The following ADCK1 variants were observed in gnomAD, a reference collection of about 807,000 sequenced individuals.
The protein encoded by ADCK1 is aarF domain-containing protein kinase 1.
A neutral mutation model predicts 52.3 loss-of-function variants in ADCK1; 41 were observed. The observed-to-expected ratio is 0.78, with a 90% confidence interval of 0.61 to 1.02. ADCK1 has a LOEUF of 1.02. Among genes scored for constraint, ADCK1 ranks in the 50% least tolerant of loss-of-function variants. The pLI, the probability that ADCK1 is intolerant of heterozygous loss-of-function variation, is 0.00. For missense variants in ADCK1, 658 were observed against 679.5 expected, an observed-to-expected ratio of 0.97 and a Z score of 0.35; for synonymous variants, 250 against 274.6, an observed-to-expected ratio of 0.91 and a Z score of 0.89.
intron 4 of ADCK1, among the ~76,000 whole-genome samples, chr14:77,874,635 C>A (rs2082858285): frequency 6.6e-6 from 1 of 152,066 alleles, no homozygotes; most frequent in Admixed American, 6.6e-5. Context: ...GTCCCCTCTC[C>A]CTGCTGGGGC....
chr14:77,871,365 C>T (rs1326131894), intron 4 of ADCK1, among the ~76,000 whole-genome samples: 1 of 149,378 alleles, frequency 6.7e-6, no homozygotes, highest in Non-Finnish European at 1.5e-5. Context: ...CTAACTTCTT[C>T]TTTTTTTTTT....
intron 3 of ADCK1, among the ~76,000 whole-genome samples, chr14:77,858,282 G>A (rs1410956474): frequency 6.6e-6 from 1 of 152,170 alleles, no homozygotes; most frequent in Non-Finnish European, 1.5e-5. Flanking sequence ...CTGTTGCCCA[G>A]GCTAGAGTGC....
At chr14:77,863,894 T>A (rs139932498) in intron 4 of ADCK1, among the ~76,000 whole-genome samples, 2 of 151,638 alleles carry the variant, frequency 1.3e-5, no homozygotes, top group African/African-American at 4.8e-5. Flanking sequence ...TTATATCAGA[T>A]AAGGTTCTGT....
At chr14:77,841,168 A>C (rs946640867) in intron 3 of ADCK1, among the ~76,000 whole-genome samples, 6 of 152,202 alleles carry the variant, frequency 3.9e-5, no homozygotes, top group African/African-American at 1.4e-4. Context: ...GGAGAGGGAA[A>C]CTGCAAGCCT....
intron 1 of ADCK1, among the ~76,000 whole-genome samples, chr14:77,812,897 CT>C (rs2081364713): frequency 6.6e-6 from 1 of 151,634 alleles, no homozygotes; most frequent in Non-Finnish European, 1.5e-5. Flanking sequence ...GCTGCATATT[CT>C]TTTTATTTAC....
intron 3 of ADCK1, among the ~76,000 whole-genome samples, chr14:77,851,403 A>G (rs1033383263): frequency 4.6e-5 from 7 of 152,172 alleles, no homozygotes; most frequent in African/African-American, 1.7e-4. Flanking sequence ...GCTGTGAGCC[A>G]CTGCGCCTGG....
At chr14:77,889,168 G>A (rs1040951426) in intron 5 of ADCK1, among the ~76,000 whole-genome samples, 7 of 152,218 alleles carry the variant, frequency 4.6e-5, no homozygotes, top group African/African-American at 7.2e-5. Flanking sequence ...GGAACTGTGC[G>A]TCCATTAAAC....
chr14:77,844,264 C>A (rs111551557), intron 3 of ADCK1, among the ~76,000 whole-genome samples: 18 of 152,038 alleles, frequency 1.2e-4, no homozygotes, highest in African/African-American at 4.3e-4. Flanking sequence ...TTGTATATTA[C>A]TAGAGACAGG....
Position 77,933,463 on chromosome 14 carries a change from T to C in ADCK1, c.*72T>C. On this transcript the variant is annotated 3_prime_UTR_variant, in exon 11 of 11. Coordinates refer to ENST00000238561, the MANE Select transcript of ADCK1 (RefSeq NM_020421.4). ...GCCCCTCATCTTGCCTCCACCCAGC[T>C]GCTCCATTTTTGCCACATCGTGGCC... 2 of 1,584,094 alleles carry C rather than the reference T, an allele frequency of 1.3e-6. No individual in the cohort carries two copies. The highest frequency in any genetic ancestry group is 1.7e-6 in the Non-Finnish European group (2 of 1,158,470).
intron 7 of ADCK1, among the ~76,000 whole-genome samples, chr14:77,917,693 G>T (rs1467755350): frequency 2.0e-5 from 3 of 152,078 alleles, no homozygotes; most frequent in Non-Finnish European, 2.9e-5. Context: ...TTTTTTATGT[G>T]GAACAATTAA....
intron 3 of ADCK1, among the ~76,000 whole-genome samples, chr14:77,832,043 T>C (rs990855287): frequency 6.6e-6 from 1 of 151,852 alleles, no homozygotes; most frequent in African/African-American, 2.4e-5. Flanking sequence ...AGTGGCATGA[T>C]CTCGGCTTAC....
chr14:77,853,908 G>A (rs1353658627), intron 3 of ADCK1, among the ~76,000 whole-genome samples: 1 of 152,128 alleles, frequency 6.6e-6, no homozygotes, highest in Non-Finnish European at 1.5e-5. Flanking sequence ...TCACTGCCTG[G>A]CTTCCCCTCC....
chr14:77,847,638 G>A (rs1268319109), intron 3 of ADCK1, among the ~76,000 whole-genome samples: 2 of 152,254 alleles, frequency 1.3e-5, no homozygotes, highest in Admixed American at 1.3e-4. Flanking sequence ...ACCTTTGAAG[G>A]GTTATCGTTG....
rs565158490 is a variant in ADCK1, at chr14:77,816,441, T to A, written c.-11-2527T>A. ...CCTTTCTGATTGTGGATCTTAACCC[T>A]CCCTAGAGTAGGTTCTGCCCTATAC... On this transcript the variant is annotated intron_variant, in intron 1 of 10. Coordinates refer to ENST00000238561, the MANE Select transcript of ADCK1 (RefSeq NM_020421.4). 9.2e-5 allele frequency among the ~76,000 whole-genome samples: 14 copies of A among 152,158 alleles called. No homozygotes were observed. The East Asian group carries it at 2.3e-3, about 25-fold the overall frequency.
At chr14:77,858,957 T>A in intron 3 of ADCK1, 119 bp from the exon 4 acceptor site, 2 of 934,690 alleles carry the variant, frequency 2.1e-6, no homozygotes, top group African/African-American at 1.7e-5. Flanking sequence ...TGTGCATGCA[T>A]CTGCCCTGGG....
intron 4 of ADCK1, among the ~76,000 whole-genome samples, chr14:77,876,088 A>G (rs1197820277): frequency 6.6e-6 from 1 of 152,252 alleles, no homozygotes; most frequent in East Asian, 1.9e-4. Flanking sequence ...GTCACAAATT[A>G]CCACACATTG....
chr14:77,800,485 G>C (rs2081085710), intron 1 of ADCK1, among the ~76,000 whole-genome samples: 1 of 152,266 alleles, frequency 6.6e-6, no homozygotes, highest in African/African-American at 2.4e-5. Context: ...CACCCGAGTG[G>C]GCAGAGCTGG....
intron 5 of ADCK1, among the ~76,000 whole-genome samples, chr14:77,890,122 A>T (rs537171959): frequency 4.6e-5 from 7 of 152,388 alleles, no homozygotes; most frequent in African/African-American, 1.7e-4. Flanking sequence ...CTCAAAACAC[A>T]GTGAGCTTAA....
intron 4 of ADCK1, among the ~76,000 whole-genome samples, chr14:77,860,497 T>C (rs1056934919): frequency 6.6e-6 from 1 of 152,180 alleles, no homozygotes. Context: ...TTCAAAGGTG[T>C]CCCACTTCTC....
Sources: gnomAD v4.1 joint callset for allele counts (sites outside exome capture counted in the v4.1 genomes callset) on GRCh38, gnomAD v4.1.1 for gene constraint, MANE v1.5 for transcripts, NCBI Gene and HGNC (gene_info 2026-07-23, HGNC 2026-07-21) for gene names.